The following IL1RAPL2 variants were observed in gnomAD, a reference collection of about 807,000 sequenced individuals.
IL1RAPL2 encodes the protein interleukin 1 receptor accessory protein like 2.
In IL1RAPL2, 3 loss-of-function variants were observed where a neutral mutation model predicts 44.1. That is an observed-to-expected ratio of 0.07 (90% CI 0.03 to 0.18). The LOEUF is 0.18. IL1RAPL2 is among the 10% of genes least tolerant of loss of function. The pLI, the probability that IL1RAPL2 is intolerant of heterozygous loss-of-function variation, is 1.00. For missense variants in IL1RAPL2, 391 were observed against 496.4 expected, an observed-to-expected ratio of 0.79 and a Z score of 2.02; for synonymous variants, 181 against 178.8, an observed-to-expected ratio of 1.01 and a Z score of -0.10.
intron 3 of IL1RAPL2, among the ~76,000 whole-genome samples, chrX:105,228,111 G>A (rs781806686): frequency 3.2e-4 from 36 of 112,115 alleles, no homozygotes; most frequent in Non-Finnish European, 5.6e-4. Flanking sequence ...TTCAATGACT[G>A]TAGATCGATT....
intron 6 of IL1RAPL2, among the ~76,000 whole-genome samples, chrX:105,571,869 A>G (rs953906154): frequency 2.7e-5 from 3 of 110,598 alleles, no homozygotes; most frequent in Non-Finnish European, 5.7e-5. Context: ...GAAGAGGCCC[A>G]CAAGAACTAA....
chrX:104,828,439 C>G (rs369861318), intron 2 of IL1RAPL2, among the ~76,000 whole-genome samples: 1 of 112,038 alleles, frequency 8.9e-6, no homozygotes, highest in East Asian at 2.8e-4. Context: ...CCCTGTTTGC[C>G]TGGATATCAC....
At chrX:104,741,881 G>A (rs1932106428) in intron 2 of IL1RAPL2, among the ~76,000 whole-genome samples, 1 of 111,512 alleles carries the variant, frequency 9.0e-6, no homozygotes, top group African/African-American at 3.2e-5. Flanking sequence ...TAAATAGTGA[G>A]ATTCCTGTAA....
At chrX:104,756,403 T>C (rs1284832586) in intron 2 of IL1RAPL2, among the ~76,000 whole-genome samples, 1 of 111,533 alleles carries the variant, frequency 9.0e-6, no homozygotes, top group African/African-American at 3.3e-5. Context: ...CATAAAGTAG[T>C]TGTCTTTTAG....
chrX:105,707,074 G>A lies in IL1RAPL2; in HGVS notation c.773-10293G>A, dbSNP rs146451941. Among the ~76,000 whole-genome samples, 150 of 111,573 alleles carry A rather than the reference G, an allele frequency of 1.3e-3. 2 individuals carry two copies. In the East Asian group the frequency reaches 0.039, roughly 29 times the overall value. On this transcript the variant is annotated intron_variant, in intron 6 of 10. Transcript: ENST00000372582. ...CAAGCAAAAAGAGATGGTGACAATC[G>A]TAGATTGGTATCACCTGAATACAGC...
intron 2 of IL1RAPL2, among the ~76,000 whole-genome samples, chrX:105,054,228 G>A (rs748028013): frequency 4.5e-5 from 5 of 110,586 alleles, no homozygotes; most frequent in African/African-American, 1.6e-4. Context: ...TTTGGGATGC[G>A]GGAGGGAGCC....
chrX:104,853,366 C>T (rs1264524902), intron 2 of IL1RAPL2, among the ~76,000 whole-genome samples: 1 of 111,152 alleles, frequency 9.0e-6, no homozygotes, highest in Non-Finnish European at 1.9e-5. Context: ...ATACAAAGCC[C>T]TAGGCAATCT....
chrX:104,673,400 A>G (rs1205344865), intron 2 of IL1RAPL2, among the ~76,000 whole-genome samples: 3 of 110,934 alleles, frequency 2.7e-5, no homozygotes, highest in African/African-American at 9.9e-5. Flanking sequence ...CAAAGATCAG[A>G]TAGTTGTAGA....
chrX:105,543,299 T>C (rs2036760545), intron 6 of IL1RAPL2, among the ~76,000 whole-genome samples: 1 of 112,175 alleles, frequency 8.9e-6, no homozygotes, highest in Admixed American at 9.5e-5. Context: ...AAAATAAATA[T>C]GGTCATTTAA....
chrX:105,207,624 A>G (rs1008593355), intron 3 of IL1RAPL2, among the ~76,000 whole-genome samples: 1 of 111,621 alleles, frequency 9.0e-6, no homozygotes, highest in South Asian at 3.7e-4. Context: ...CTCATCCTCT[A>G]GCACTTTTTT....
intron 1 of IL1RAPL2, among the ~76,000 whole-genome samples, chrX:104,600,749 A>G (rs1928866086): frequency 9.0e-6 from 1 of 111,505 alleles, no homozygotes; most frequent in Non-Finnish European, 1.9e-5. Flanking sequence ...GCTTCCAATT[A>G]TAAGTGAGAA....
chrX:105,263,822 T>C (rs2034379771), intron 4 of IL1RAPL2, among the ~76,000 whole-genome samples: 1 of 111,347 alleles, frequency 9.0e-6, no homozygotes, highest in South Asian at 3.8e-4. Context: ...AGACGGGCTC[T>C]CAGCAAAATT....
At chrX:105,216,817 A>G (rs948618154) in intron 3 of IL1RAPL2, among the ~76,000 whole-genome samples, 4 of 111,975 alleles carry the variant, frequency 3.6e-5, no homozygotes, top group Non-Finnish European at 7.5e-5. Flanking sequence ...CAACCATCTG[A>G]TCTTCGACAA....
intron 6 of IL1RAPL2, among the ~76,000 whole-genome samples, chrX:105,546,249 A>G (rs1023043886): frequency 3.4e-4 from 38 of 112,070 alleles, no homozygotes; most frequent in African/African-American, 1.2e-3. Flanking sequence ...TGTAAAGATA[A>G]TGATCTAATT....
At chrX:104,910,353 C>T (rs1045028927) in intron 2 of IL1RAPL2, among the ~76,000 whole-genome samples, 1 of 112,197 alleles carries the variant, frequency 8.9e-6, no homozygotes, top group Non-Finnish European at 1.9e-5. Flanking sequence ...TGGAGCTGTT[C>T]CTATTCGTCC....
At chrX:104,932,801 T>C (rs777971827) in intron 2 of IL1RAPL2, among the ~76,000 whole-genome samples, 1 of 112,494 alleles carries the variant, frequency 8.9e-6, no homozygotes, top group Admixed American at 9.4e-5. Flanking sequence ...TACTAGAGTT[T>C]GGGCTGGGAA....
At chrX:104,729,671 C>T (rs1173531502) in intron 2 of IL1RAPL2, among the ~76,000 whole-genome samples, 7 of 108,780 alleles carry the variant, frequency 6.4e-5, no homozygotes, top group African/African-American at 2.3e-4. Context: ...TCTGCACCTT[C>T]AAGTAGACCC....
intron 2 of IL1RAPL2, among the ~76,000 whole-genome samples, chrX:104,757,146 G>A (rs1176015267): frequency 8.9e-6 from 1 of 111,778 alleles, no homozygotes; most frequent in Non-Finnish European, 1.9e-5. Context: ...ACAGTTAGGA[G>A]GCTACTGCAG....
At chrX:104,593,022 A>G (rs768466944) in intron 1 of IL1RAPL2, among the ~76,000 whole-genome samples, 1 of 111,811 alleles carries the variant, frequency 8.9e-6, no homozygotes, top group Non-Finnish European at 1.9e-5. Context: ...GGGTCTCTGA[A>G]CCACATTGAT....
Sources: allele counts gnomAD v4.1 joint callset (sites outside exome capture counted in the v4.1 genomes callset), GRCh38; gene constraint gnomAD v4.1.1; transcripts MANE v1.5; gene names NCBI Gene and HGNC (gene_info 2026-07-23, HGNC 2026-07-21).